The following VWF variants were observed in gnomAD, a reference collection of about 807,000 sequenced individuals.
VWF encodes the protein Factor VIII related antigen.
VWF carries 176 observed loss-of-function variants against 308.6 expected under a neutral mutation model. The observed-to-expected ratio is 0.57, with a 90% confidence interval of 0.50 to 0.65. The LOEUF (loss-of-function observed/expected upper bound fraction) is 0.65, where lower values mean the gene tolerates loss of function less well. Ranked by LOEUF, VWF falls within the 30% of genes least tolerant of loss-of-function variation. The probability of loss-of-function intolerance (pLI) is 0.00; values close to 1 mark genes in which losing one functional copy is unlikely to be tolerated. For synonymous variants in VWF, 1,385 were observed against 1,443.4 expected, an observed-to-expected ratio of 0.96 and a Z score of 0.92; for missense variants, 3,146 against 3,648.2, an observed-to-expected ratio of 0.86 and a Z score of 3.55.
chr12:6,111,930 C>T (rs1945312437), intron 3 of VWF, among the ~76,000 whole-genome samples: 1 of 150,778 alleles, frequency 6.6e-6, no homozygotes, highest in Admixed American at 6.6e-5. Context: ...TGCACTCCAG[C>T]CTGGGTGACA....
chr12:6,061,266 T>C (rs1048627131), intron 13 of VWF, among the ~76,000 whole-genome samples: 5 of 151,832 alleles, frequency 3.3e-5, no homozygotes, highest in African/African-American at 1.2e-4. Flanking sequence ...AAGACCGGGG[T>C]GCAGGAGGCA....
intron 19 of VWF, 22 bp from the exon 20 acceptor site, chr12:6,034,848 A>T (rs760981980): frequency 6.2e-7 from 1 of 1,612,814 alleles, no homozygotes. Flanking sequence ...CATGGCAGAG[A>T]TGACAAGTTG....
chr12:6,039,521 A>G (rs1944374533), intron 18 of VWF, among the ~76,000 whole-genome samples: 1 of 152,280 alleles, frequency 6.6e-6, no homozygotes, highest in Admixed American at 6.5e-5. Flanking sequence ...GAGGAGAGTG[A>G]TCTGATTAAA....
chr12:6,110,095 G>T (rs575412585), intron 5 of VWF, among the ~76,000 whole-genome samples: 1 of 152,124 alleles, frequency 6.6e-6, no homozygotes, highest in Non-Finnish European at 1.5e-5. Flanking sequence ...GAGGAGGATC[G>T]ACTCAAACTA....
chr12:6,109,408 T>G (rs1222172675), intron 5 of VWF, among the ~76,000 whole-genome samples: 4 of 152,158 alleles, frequency 2.6e-5, no homozygotes, highest in Non-Finnish European at 4.4e-5. Flanking sequence ...AATGTACATA[T>G]CAGACAATAA....
chr12:5,955,816 C>T (rs1207288195), intron 47 of VWF, among the ~76,000 whole-genome samples: 1 of 152,076 alleles, frequency 6.6e-6, no homozygotes, highest in Non-Finnish European at 1.5e-5. Flanking sequence ...CTAGAAAACA[C>T]AATACTCTAA....
chr12:6,013,699 G>T, intron 31 of VWF, 54 bp from the exon 32 acceptor site: 2 of 1,600,518 alleles, frequency 1.2e-6, no homozygotes, highest in Non-Finnish European at 1.7e-6. Flanking sequence ...GCTCAAAATG[G>T]ACTGGCCTGA....
rs187065660 is a variant in VWF at position 6,108,853 on chromosome 12, T to C, written c.532+1521A>G. On this transcript the variant is annotated intron_variant, in intron 5 of 51. Coordinates refer to ENST00000261405, the MANE Select transcript of VWF (RefSeq NM_000552.5). Reference sequence around the variant, plus strand: ...AAAATTAGCCAGGCATGGTGGCGGGTGCCTGTAGTCCCAGCTACTCGGAAG... The same window carrying C: ...AAAATTAGCCAGGCATGGTGGCGGGCGCCTGTAGTCCCAGCTACTCGGAAG... Among the ~76,000 whole-genome samples, 946 of 151,706 alleles carry C rather than the reference T, an allele frequency of 6.2e-3. 14 individuals carry two copies. Among genetic ancestry groups the C allele is most frequent in the African/African-American group, 0.022 (893 of 41,366 alleles).
rs922545398 is a variant in VWF at position 6,036,489 on chromosome 12, G to A, written c.2445C>T (p.Val815=). ...GGGCCACACATCTGTTCTCATGCCG[G>A]ACCTAAGAGAAAAGAATCCAAAAGT... The part of the protein sequence containing the change: ...VSGCLCPPGM[V]RHENRCVALE... Residue 815 remains valine (V), a splice_region_variant and synonymous_variant, in exon 19 of 52, where the codon GTC becomes GTT. Transcript: ENST00000261405. 1.2e-6 allele frequency: 2 copies of A among 1,614,094 alleles called. No homozygotes were observed. Among genetic ancestry groups the A allele is most frequent in the Admixed American group, 1.7e-5 (1 of 60,014 alleles).
At position 6,063,256 on chromosome 12, in the gene VWF, T is replaced by C. The variant is rs1268657117; in HGVS notation, c.1433-202A>G. Among the ~76,000 whole-genome samples, 2 of 151,518 alleles carry C rather than the reference T, an allele frequency of 1.3e-5. No homozygotes were observed. Among genetic ancestry groups the C allele is most frequent in the African/African-American group, 4.9e-5 (2 of 41,172 alleles). The stretch of plus-strand genomic sequence containing the variant: ...CAAGGTGGACAGAGCGCAAATAGGG[T>C]CCCCCAGGAAGAAGCCTCTGCACCC... On this transcript the variant is annotated intron_variant, in intron 12 of 51. Transcript: ENST00000261405. The surrounding 1 kb of genome is among the most constrained non-coding windows in gnomAD (Gnocchi z 4.9).
At chr12:6,029,282 G>A in intron 22 of VWF, 60 bp downstream of exon 22, 1 of 1,609,944 alleles carries the variant, frequency 6.2e-7, no homozygotes, top group South Asian at 1.1e-5. Flanking sequence ...CTACGATCAG[G>A]GAGCAGAAAA....
intron 18 of VWF, among the ~76,000 whole-genome samples, chr12:6,037,463 C>T (rs1235075519): frequency 2.0e-5 from 3 of 152,166 alleles, no homozygotes; most frequent in African/African-American, 4.8e-5. Flanking sequence ...ACTTCCCCGT[C>T]GTCACCCCTC....
chr12:5,956,444 C>G (rs1451928138), intron 47 of VWF, among the ~76,000 whole-genome samples: 1 of 152,084 alleles, frequency 6.6e-6, no homozygotes, highest in African/African-American at 2.4e-5. Flanking sequence ...ATTATTCCAG[C>G]CCTGCGTAGG....
intron 5 of VWF, chr12:6,096,051 G>A (rs546616859): frequency 4.5e-4 from 98 of 216,382 alleles, no homozygotes; most frequent in African/African-American, 2.2e-3. Context: ...TAACACCACA[G>A]GGCATGGGCA....
intron 20 of VWF, among the ~76,000 whole-genome samples, chr12:6,033,638 C>G (rs919362235): frequency 1.3e-5 from 2 of 152,264 alleles, no homozygotes; most frequent in African/African-American, 2.4e-5. Flanking sequence ...CCTGCCTGGT[C>G]TGCATGCCCT....
chr12:5,997,880 C>T (rs899579142), intron 34 of VWF, among the ~76,000 whole-genome samples: 2 of 152,070 alleles, frequency 1.3e-5, no homozygotes, highest in Admixed American at 6.5e-5. Context: ...AAAGTTAGGC[C>T]GAACCAATTA....
At position 5,992,030 on chromosome 12, in the gene VWF, G is replaced by A. The variant is rs778562927; in HGVS notation, c.6599-12C>T. 7.7e-5 allele frequency: 125 copies of A among 1,613,602 alleles called. 1 individual carries two copies. The South Asian group carries it at 1.3e-3, about 17-fold the overall frequency. Reference sequence around the variant, plus strand: ...TGGGCATGACATAGCTGTAGACAGAGAAGGAGGTCACTTGCAAAGGCCCAC... The same window carrying A: ...TGGGCATGACATAGCTGTAGACAGAAAAGGAGGTCACTTGCAAAGGCCCAC... On this transcript the variant is annotated splice_polypyrimidine_tract_variant and intron_variant, in intron 37 of 51. Coordinates refer to ENST00000261405, the MANE Select transcript of VWF (RefSeq NM_000552.5).
At chr12:5,980,988 G>T (rs568113549) in intron 42 of VWF, among the ~76,000 whole-genome samples, 3 of 152,208 alleles carry the variant, frequency 2.0e-5, no homozygotes, top group Non-Finnish European at 4.4e-5. Flanking sequence ...TAAGACTGCT[G>T]TTTGTAATGA....
intron 34 of VWF, among the ~76,000 whole-genome samples, chr12:6,001,659 C>T (rs1397482894): frequency 6.6e-6 from 1 of 152,126 alleles, no homozygotes; most frequent in Non-Finnish European, 1.5e-5. Context: ...TACTTTTAGA[C>T]ATCCCTTTCA....
Sources: gnomAD v4.1 joint callset for allele counts (sites outside exome capture counted in the v4.1 genomes callset) on GRCh38, gnomAD v4.1.1 for gene constraint, Gnocchi (gnomAD v3.1) non-coding constraint, MANE v1.5 for transcripts, NCBI Gene and HGNC (gene_info 2026-07-23, HGNC 2026-07-21) for gene names.